The following PRKN variants were observed in gnomAD, a reference collection of about 807,000 sequenced individuals.
The protein encoded by PRKN is E3 ubiquitin-protein ligase parkin.
In PRKN, 56 loss-of-function variants were observed where a neutral mutation model predicts 59.5. The ratio of observed to expected loss-of-function variants is 0.94; its 90% CI spans 0.76 to 1.18. PRKN has a LOEUF of 1.18. PRKN is among the 50% of genes most tolerant of loss of function. The probability of loss-of-function intolerance (pLI) is 0.00; values close to 1 mark genes in which losing one functional copy is unlikely to be tolerated. For missense variants in PRKN, 657 were observed against 596.4 expected (o/e 1.10, Z -1.06); for synonymous variants, 250 against 222.1 (o/e 1.13, Z -1.12).
At chr6:162,639,755 T>G (rs534187988) in intron 1 of PRKN, among the ~76,000 whole-genome samples, 1 of 152,276 alleles carries the variant, frequency 6.6e-6, no homozygotes, top group East Asian at 1.9e-4. Flanking sequence ...AAAGATTATC[T>G]TTAAAGAAAA....
At chr6:161,510,682 G>A (rs1778352406) in intron 9 of PRKN, among the ~76,000 whole-genome samples, 1 of 152,216 alleles carries the variant, frequency 6.6e-6, no homozygotes, top group African/African-American at 2.4e-5. Context: ...AGACCCAAGA[G>A]AGTCAATGTT....
intron 4 of PRKN, among the ~76,000 whole-genome samples, chr6:162,105,131 A>T (rs957393287): frequency 4.6e-5 from 7 of 152,180 alleles, no homozygotes; most frequent in Non-Finnish European, 8.8e-5. Context: ...GACAGAACCC[A>T]CCTTGACATA....
intron 3 of PRKN, among the ~76,000 whole-genome samples, chr6:162,219,908 T>C (rs898809571): frequency 1.3e-5 from 2 of 152,174 alleles, no homozygotes; most frequent in African/African-American, 4.8e-5. Context: ...AGACCTCCTA[T>C]GGACAGCAAA....
chr6:161,777,748 GAT>G (rs1013920509), intron 7 of PRKN, among the ~76,000 whole-genome samples: 2 of 124,650 alleles, frequency 1.6e-5, no homozygotes, highest in East Asian at 2.4e-4. Flanking sequence ...TGTATATATA[GAT>G]ATATATGTAT....
chr6:161,706,853 C>T (rs552901763), intron 7 of PRKN, among the ~76,000 whole-genome samples: 78 of 152,212 alleles, frequency 5.1e-4, no homozygotes, highest in African/African-American at 1.8e-3. Context: ...CCACCACACC[C>T]GGACTGACTC....
chr6:162,359,825 T>G (rs1380160314), intron 2 of PRKN, among the ~76,000 whole-genome samples: 1 of 152,114 alleles, frequency 6.6e-6, no homozygotes, highest in Non-Finnish European at 1.5e-5. Flanking sequence ...TAGTTAAGGG[T>G]TGGCTAAACT....
intron 7 of PRKN, among the ~76,000 whole-genome samples, chr6:161,675,812 T>C (rs1022918171): frequency 6.6e-6 from 1 of 152,238 alleles, no homozygotes; most frequent in Admixed American, 6.5e-5. Flanking sequence ...AAATATTTTT[T>C]ACAGTTCCTG....
At chr6:161,425,979 G>A (rs1354838075) in intron 9 of PRKN, among the ~76,000 whole-genome samples, 2 of 152,026 alleles carry the variant, frequency 1.3e-5, no homozygotes, top group Admixed American at 6.6e-5. Context: ...TTCCAACACC[G>A]AGCAGGAGTG....
chr6:161,736,648 T>A (rs527365818), intron 7 of PRKN, among the ~76,000 whole-genome samples: 3 of 152,320 alleles, frequency 2.0e-5, no homozygotes, highest in South Asian at 4.1e-4. Flanking sequence ...TAGCAGGACA[T>A]CCAGCTAGGA....
intron 9 of PRKN, among the ~76,000 whole-genome samples, chr6:161,519,701 G>A (rs1391730102): frequency 4.6e-5 from 7 of 152,180 alleles, no homozygotes; most frequent in African/African-American, 1.4e-4. Context: ...TCCTTATGGT[G>A]TACTAGAATA....
At chr6:162,687,703 A>C (rs1777624846) in intron 1 of PRKN, among the ~76,000 whole-genome samples, 1 of 152,170 alleles carries the variant, frequency 6.6e-6, no homozygotes, top group Admixed American at 6.5e-5. Flanking sequence ...GTTATTGAAG[A>C]TGTGTATGTA....
At chr6:161,685,406 C>G (rs1034783467) in intron 7 of PRKN, among the ~76,000 whole-genome samples, 1 of 152,130 alleles carries the variant, frequency 6.6e-6, no homozygotes, top group Non-Finnish European at 1.5e-5. Flanking sequence ...TATTTTCAAC[C>G]CCAGCTTGAA....
At chr6:162,462,199 C>T (rs894951391) in intron 1 of PRKN, among the ~76,000 whole-genome samples, 9 of 152,102 alleles carry the variant, frequency 5.9e-5, no homozygotes, top group Non-Finnish European at 1.2e-4. Context: ...ATTAAGACAA[C>T]ATGTTAACTA....
chr6:161,828,361 T>A (rs983200859), intron 6 of PRKN, among the ~76,000 whole-genome samples: 2 of 152,244 alleles, frequency 1.3e-5, no homozygotes, highest in African/African-American at 4.8e-5. Flanking sequence ...GAATCTTTGA[T>A]GTGACATCCT....
intron 2 of PRKN, among the ~76,000 whole-genome samples, chr6:162,265,581 C>T (rs1449325839): frequency 2.0e-5 from 3 of 152,182 alleles, no homozygotes; most frequent in Admixed American, 1.3e-4. Context: ...ATCCCAGCTA[C>T]TCAAGAGGCT....
At chr6:162,317,515 T>C (rs1782802547) in intron 2 of PRKN, among the ~76,000 whole-genome samples, 1 of 152,062 alleles carries the variant, frequency 6.6e-6, no homozygotes, top group South Asian at 2.1e-4. Context: ...AACACACTAA[T>C]ACAGGTAATG....
rs181984618 is a variant in PRKN at position 161,356,846 on chromosome 6, G to A, written c.1285+3242C>T. On this transcript the variant is annotated intron_variant, in intron 11 of 11. Transcript: ENST00000366898. The surrounding 1 kb of genome is among the most constrained non-coding windows in gnomAD (Gnocchi z 7.8). The stretch of plus-strand genomic sequence containing the variant: ...AGCAGCTGGCTATTGGAGTCGGACC[G>A]AGGGGCGAGATGAGGGTGGGGTGTA... Among the ~76,000 whole-genome samples, 258 of 152,196 alleles carry A rather than the reference G, an allele frequency of 1.7e-3. 1 individual carries two copies. Among genetic ancestry groups the A allele is most frequent in the Non-Finnish European group, 1.6e-3 (110 of 68,002 alleles).
rs892447582 is a variant in PRKN at position 161,518,301 on chromosome 6, G to C, written c.1083+30553C>G. 4.6e-5 allele frequency among the ~76,000 whole-genome samples: 7 copies of C among 152,232 alleles called. No homozygotes were observed. Among genetic ancestry groups the C allele is most frequent in the Non-Finnish European group, 7.3e-5 (5 of 68,040 alleles). ...AGCTCAGCCCTGCTTTCCAGAAGATGAGAGGACTTCACAAAGCTGCCCACT... is the reference window on the plus strand; with the variant it reads ...AGCTCAGCCCTGCTTTCCAGAAGATCAGAGGACTTCACAAAGCTGCCCACT... On this transcript the variant is annotated intron_variant, in intron 9 of 11. Coordinates refer to ENST00000366898, the MANE Select transcript of PRKN (RefSeq NM_004562.3). The surrounding 1 kb of genome is among the most constrained non-coding windows in gnomAD (Gnocchi z 5.0).
At position 161,393,758 on chromosome 6, in the gene PRKN, C is replaced by T. The variant is rs1583012943; in HGVS notation, c.1084-6881G>A. Reference sequence around the variant, plus strand: ...CTTGATGATGATCTCTCTATGGAAGCCAAGATTTCTTTGTGCCTGTTTTCT... The same window carrying T: ...CTTGATGATGATCTCTCTATGGAAGTCAAGATTTCTTTGTGCCTGTTTTCT... On this transcript the variant is annotated intron_variant, in intron 9 of 11. Coordinates refer to ENST00000366898, the MANE Select transcript of PRKN (RefSeq NM_004562.3). The surrounding 1 kb of genome is among the most constrained non-coding windows in gnomAD (Gnocchi z 4.7). Among the ~76,000 whole-genome samples, 2 of 151,578 alleles carry T rather than the reference C, an allele frequency of 1.3e-5. No individual in the cohort carries two copies. Among genetic ancestry groups the T allele is most frequent in the East Asian group, 3.9e-4 (2 of 5,178 alleles).
Sources: gnomAD v4.1 joint callset for allele counts (sites outside exome capture counted in the v4.1 genomes callset) on GRCh38, gnomAD v4.1.1 for gene constraint, Gnocchi (gnomAD v3.1) non-coding constraint, MANE v1.5 for transcripts, NCBI Gene and HGNC (gene_info 2026-07-23, HGNC 2026-07-21) for gene names.